DPP10: variants seen among roughly 807,000 people sequenced by gnomAD.
The protein encoded by DPP10 is inactive dipeptidyl peptidase 10.
A neutral mutation model predicts 120.9 loss-of-function variants in DPP10; 33 were observed. The observed-to-expected ratio is 0.27, with a 90% CI of 0.21 to 0.37. The LOEUF (loss-of-function observed/expected upper bound fraction) is 0.37, where lower values mean the gene tolerates loss of function less well. Among genes scored for constraint, DPP10 ranks in the 10% least tolerant of loss-of-function variants. DPP10 has a pLI of 1.00. For missense variants in DPP10, 816 were observed against 942.8 expected, an observed-to-expected ratio of 0.87 and a Z score of 1.76; for synonymous variants, 337 against 326.1, an observed-to-expected ratio of 1.03 and a Z score of -0.36.
At chr2:115,159,391 C>A (rs917396271) in intron 1 of DPP10, among the ~76,000 whole-genome samples, 2 of 152,096 alleles carry the variant, frequency 1.3e-5, no homozygotes, top group Non-Finnish European at 1.5e-5. Context: ...AAAATAACAT[C>A]ATTAGAAACC....
intron 1 of DPP10, chr2:115,064,782 G>A (rs1190893010): frequency 7.7e-7 from 1 of 1,304,160 alleles, no homozygotes; most frequent in South Asian, 1.2e-5. Context: ...GGTGGCTGAG[G>A]GACCAGTAGA....
At chr2:114,468,866 C>T (rs531212532) in intron 1 of DPP10, among the ~76,000 whole-genome samples, 4 of 151,914 alleles carry the variant, frequency 2.6e-5, no homozygotes, top group Admixed American at 6.6e-5. Flanking sequence ...CATTTCATTT[C>T]GTGATTTCTA....
At chr2:115,177,695 T>C (rs1483286524) in intron 1 of DPP10, among the ~76,000 whole-genome samples, 1 of 152,218 alleles carries the variant, frequency 6.6e-6, no homozygotes, top group Non-Finnish European at 1.5e-5. Context: ...TCTCCTTTTA[T>C]AAAAATGTTA....
rs3039998 is a variant in DPP10 at position 115,495,365 on chromosome 2, GAAA to G, written c.272-4127_272-4125del. On this transcript the variant is annotated intron_variant, in intron 3 of 25. Transcript: ENST00000410059. ...AGAAACTAATTTTCAGCCATTTTCT[GAAA>G]AAAAAAAAAAAAAAAAAGTTTTTCG... Among the ~76,000 whole-genome samples the G allele has an allele frequency of 8.5e-5, 7 of 82,234 alleles. 1 individual carries two copies. The highest frequency in any genetic ancestry group is 6.0e-4 in the South Asian group (1 of 1,660). The allele number at this position is 82,234 out of a possible 152,430, so 53.9% of individuals were successfully genotyped here.
chr2:115,073,974 G>A (rs2104456330), intron 1 of DPP10, among the ~76,000 whole-genome samples: 1 of 152,288 alleles, frequency 6.6e-6, no homozygotes, highest in Admixed American at 6.5e-5. Context: ...TAAAGAGTGA[G>A]AAGAAGGTTG....
intron 1 of DPP10, among the ~76,000 whole-genome samples, chr2:115,288,433 C>A (rs1450644978): frequency 6.6e-6 from 1 of 151,936 alleles, no homozygotes; most frequent in Non-Finnish European, 1.5e-5. Flanking sequence ...AAACCCTCAA[C>A]CTGGTCAGGC....
At chr2:114,587,799 G>T (rs1430366503) in intron 1 of DPP10, among the ~76,000 whole-genome samples, 2 of 152,200 alleles carry the variant, frequency 1.3e-5, no homozygotes, top group Admixed American at 1.3e-4. Flanking sequence ...CATGGTGGGA[G>T]CACATAGTAC....
intron 7 of DPP10, among the ~76,000 whole-genome samples, chr2:115,712,841 G>C (rs2092375834): frequency 6.6e-6 from 1 of 151,684 alleles, no homozygotes; most frequent in South Asian, 2.1e-4. Flanking sequence ...TTTGCAGGTT[G>C]CATGTAAGTA....
chr2:115,517,573 T>G (rs537178849), intron 4 of DPP10, among the ~76,000 whole-genome samples: 1 of 152,304 alleles, frequency 6.6e-6, no homozygotes, highest in South Asian at 2.1e-4. Flanking sequence ...CTACAAGATA[T>G]TCTATTTATG....
intron 1 of DPP10, among the ~76,000 whole-genome samples, chr2:115,060,177 T>G (rs191074742): frequency 1.3e-5 from 2 of 150,042 alleles, no homozygotes; most frequent in Non-Finnish European, 3.0e-5. Flanking sequence ...TAGATAGATA[T>G]ATAGAGGTAG....
rs2058707450 is a variant in DPP10, at chr2:115,250,449, G to C, written c.61-58790G>C. Among the ~76,000 whole-genome samples, 5 of 152,292 alleles carry C rather than the reference G, an allele frequency of 3.3e-5. No homozygotes were observed. The South Asian group carries it at 1.0e-3, about 32-fold the overall frequency. ...CATGTGTTAAGATGTGTGAATGGAA[G>C]GGTCTGGAGAAAAGAGAGAAGATTG... On this transcript the variant is annotated intron_variant, in intron 1 of 25. Transcript: ENST00000410059.
intron 1 of DPP10, among the ~76,000 whole-genome samples, chr2:114,515,295 A>C (rs1331381520): frequency 2.6e-5 from 4 of 152,168 alleles, no homozygotes; most frequent in African/African-American, 9.7e-5. Context: ...ACAAACTTTA[A>C]AGGTACCGAA....
chr2:114,939,354 A>G lies in DPP10; in HGVS notation c.61-369885A>G, dbSNP rs150955503. Among the ~76,000 whole-genome samples the G allele has an allele frequency of 3.0e-4, 46 of 152,122 alleles. 1 individual carries two copies. The East Asian group carries it at 4.1e-3, about 13-fold the overall frequency. On this transcript the variant is annotated intron_variant, in intron 1 of 25. Transcript: ENST00000410059. ...TGCTATTTACAAAATAATTTCAACTATTTCGCTAAGTTGTGTACTGCCTTT... is the reference window on the plus strand; with the variant it reads ...TGCTATTTACAAAATAATTTCAACTGTTTCGCTAAGTTGTGTACTGCCTTT...
At chr2:115,380,134 C>T (rs957345572) in intron 3 of DPP10, among the ~76,000 whole-genome samples, 2 of 152,102 alleles carry the variant, frequency 1.3e-5, no homozygotes. Context: ...GTTGATCTGT[C>T]TAATGTTGAC....
intron 5 of DPP10, among the ~76,000 whole-genome samples, chr2:115,573,375 C>T (rs367755069): frequency 8.2e-5 from 12 of 146,888 alleles, no homozygotes; most frequent in Non-Finnish European, 1.5e-4. Context: ...TTCCGCCTCC[C>T]GGGTTCACGC....
intron 1 of DPP10, among the ~76,000 whole-genome samples, chr2:114,909,193 G>C (rs1393092054): frequency 6.6e-6 from 1 of 151,900 alleles, no homozygotes; most frequent in Non-Finnish European, 1.5e-5. Context: ...TGAGAACTTA[G>C]AAAATTCAGT....
chr2:115,645,647 A>G (rs1451417020), intron 5 of DPP10, among the ~76,000 whole-genome samples: 4 of 152,232 alleles, frequency 2.6e-5, no homozygotes, highest in Non-Finnish European at 5.9e-5. Context: ...AAAAAAAATT[A>G]TGCTGTTCAG....
At chr2:115,785,656 G>A (rs1377894353) in intron 17 of DPP10, among the ~76,000 whole-genome samples, 2 of 152,052 alleles carry the variant, frequency 1.3e-5, no homozygotes, top group African/African-American at 4.8e-5. Flanking sequence ...AAGGCTTTTT[G>A]TATTTCCATG....
chr2:114,985,491 G>A (rs1558955520), intron 1 of DPP10, among the ~76,000 whole-genome samples: 1 of 152,146 alleles, frequency 6.6e-6, no homozygotes, highest in Non-Finnish European at 1.5e-5. Context: ...AACCTATTCT[G>A]CCTCATTTGA....
Sources: allele counts gnomAD v4.1 joint callset (sites outside exome capture counted in the v4.1 genomes callset), GRCh38; gene constraint gnomAD v4.1.1; transcripts MANE v1.5; gene names NCBI Gene and HGNC (gene_info 2026-07-23, HGNC 2026-07-21).